The following ADAMTS13 variants were observed in gnomAD, a reference collection of about 807,000 sequenced individuals.
ADAMTS13 encodes ADAM metallopeptidase with thrombospondin type 1 motif 13, also known as A disintegrin and metalloproteinase with thrombospondin motifs 13.
ADAMTS13 carries 110 observed loss-of-function variants against 155.1 expected under a neutral mutation model. That is an observed-to-expected ratio of 0.71 (90% CI 0.61 to 0.83). The LOEUF is 0.83. Ranked by LOEUF, ADAMTS13 falls within the 40% of genes least tolerant of loss-of-function variation. The probability of loss-of-function intolerance (pLI) is 0.00; values close to 1 mark genes in which losing one functional copy is unlikely to be tolerated. For synonymous variants in ADAMTS13, 758 were observed against 756.4 expected (o/e 1.00, Z -0.03); for missense variants, 1,707 against 1,891.7 (o/e 0.90, Z 1.81).
chr9:133,434,673 CA>C (rs985835149), intron 11 of ADAMTS13, among the ~76,000 whole-genome samples: 5 of 152,204 alleles, frequency 3.3e-5, no homozygotes, highest in African/African-American at 1.2e-4. Context: ...AGTGGCAACT[CA>C]GTGGCCTTTA....
chr9:133,436,778 A>ACCCCCC, intron 11 of ADAMTS13, 51 bp from the exon 12 acceptor site: 10 of 433,934 alleles, frequency 2.3e-5, no homozygotes, highest in East Asian at 8.0e-5. Flanking sequence ...CAGTGACAAC[A>ACCCCCC]CCCGCCCCCC....
intron 1 of ADAMTS13, chr9:133,414,707 T>G: frequency 1.9e-6 from 3 of 1,614,128 alleles, no homozygotes; most frequent in Non-Finnish European, 2.5e-6. Flanking sequence ...TTTCCGCTTC[T>G]TATGCTCGAT....
chr9:133,454,228 A>G (rs1842607860), intron 23 of ADAMTS13, among the ~76,000 whole-genome samples, 187 bp from the exon 24 acceptor site: 1 of 152,130 alleles, frequency 6.6e-6, no homozygotes, highest in Non-Finnish European at 1.5e-5. Flanking sequence ...GCCTTTTGGT[A>G]GCTCTCCTGT....
chr9:133,424,374 G>C lies in ADAMTS13; in HGVS notation c.226G>C (p.Ala76Pro). 1 of 1,613,402 alleles carries C rather than the reference G, an allele frequency of 6.2e-7. No individual in the cohort carries two copies. The highest frequency in any genetic ancestry group is 8.5e-7 in the Non-Finnish European group (1 of 1,179,976). Reference sequence around the variant, plus strand: ...GCAGAGGCAGAGGCAGAGGCGGGCTGCAGGCGGCATCCTACACCTGGAGCT... The same window carrying C: ...GCAGAGGCAGAGGCAGAGGCGGGCTCCAGGCGGCATCCTACACCTGGAGCT... ...QRQRQRQRRAAGGILHLELLV... is the reference protein window; with the variant it reads ...QRQRQRQRRAPGGILHLELLV... The change falls in exon 3 of 29, where the codon GCA becomes CCA. Residue 76 changes from alanine (A) to proline (P), a missense_variant. Transcript: ENST00000355699. The surrounding 1 kb of genome is among the most constrained non-coding windows in gnomAD (Gnocchi z 4.3).
chr9:133,430,672 A>T (rs1554787082), intron 8 of ADAMTS13, among the ~76,000 whole-genome samples: 32 of 151,636 alleles, frequency 2.1e-4, no homozygotes, highest in Non-Finnish European at 4.0e-4. Flanking sequence ...GTGTTACTAT[A>T]AATACAAGTC....
At position 133,429,965 on chromosome 9, in the gene ADAMTS13, A is replaced by T; in HGVS notation, c.851A>T (p.Asp284Val). ...LSAGRARCVWDPPRPQPGSAG... is the reference protein window; with the variant it reads ...LSAGRARCVWVPPRPQPGSAG... ...GCAGGACGGGCGCGCTGCGTGTGGG[A>T]CCCGCCGCGGCCTCAACCCGGGTCC... The change falls in exon 8 of 29, where the codon GAC becomes GTC. Residue 284 changes from aspartate (D) to valine (V), a missense_variant. By Grantham distance (152) the Asp-to-Val change is radical. This residue lies in a region of ADAMTS13 where 733 missense variants were observed against 749.6 expected (regional missense o/e 0.98). Coordinates refer to ENST00000355699, the MANE Select transcript of ADAMTS13 (RefSeq NM_139027.6). 1 of 1,539,328 alleles carries T rather than the reference A, an allele frequency of 6.5e-7. No individual in the cohort carries two copies. The highest frequency in any genetic ancestry group is 8.7e-7 in the Non-Finnish European group (1 of 1,147,428).
chr9:133,446,357 C>G (rs1842066882), intron 21 of ADAMTS13, among the ~76,000 whole-genome samples: 1 of 152,172 alleles, frequency 6.6e-6, no homozygotes, highest in Admixed American at 6.5e-5. Flanking sequence ...CCTCCGCAGC[C>G]CCTGGCAACC....
intron 6 of ADAMTS13, among the ~76,000 whole-genome samples, chr9:133,426,911 C>G (rs994133232): frequency 1.9e-4 from 29 of 151,898 alleles, no homozygotes; most frequent in Non-Finnish European, 4.1e-4. Flanking sequence ...GCAAGTGATT[C>G]TCCCACCTCA....
rs782729077 is a variant in ADAMTS13, at chr9:133,456,683, T to A, written c.3688T>A (p.Tyr1230Asn). The A allele has an allele frequency of 6.3e-7, 1 of 1,587,102 alleles. No homozygotes were observed. The highest frequency in any genetic ancestry group is 1.1e-5 in the South Asian group (1 of 87,800). Reference sequence around the variant, plus strand: ...GCCAGGAGGTGGGGTGCTGCTGCGGTATGGGAGCCAGCTTGCTCCTGAAAC... The same window carrying A: ...GCCAGGAGGTGGGGTGCTGCTGCGGAATGGGAGCCAGCTTGCTCCTGAAAC... ...GRPGGGVLLR[Y>N]GSQLAPETFY... The change falls in exon 27 of 29, where the codon TAT becomes AAT. Residue 1230 changes from tyrosine (Y) to asparagine (N), a missense_variant. Around this residue, in one of 3 missense-constraint regions of ADAMTS13, gnomAD observed 961 missense variants for 1,107.9 expected, o/e 0.87. Transcript: ENST00000355699. This position sits in a 1 kb window ranked among gnomAD's most constrained non-coding sequence, Gnocchi z 4.4.
chr9:133,418,025 G>T (rs903575015), upstream of ADAMTS13: 7 of 606,116 alleles, frequency 1.2e-5, no homozygotes, highest in Admixed American at 9.2e-5. Flanking sequence ...CAGCACGCAC[G>T]CTCCAGTCCC....
At position 133,439,376 on chromosome 9, in the gene ADAMTS13, G is replaced by A. The variant is rs3124768; in HGVS notation, c.1716G>A (p.Thr572=). ...FTAGRAREYV[T]FLTVTPNLTS... The stretch of plus-strand genomic sequence containing the variant: ...TTTTCTTCTTTCTAGAATATGTCAC[G>A]TTTCTGACAGTTACCCCCAACCTGA... The change falls in exon 15 of 29, where the codon ACG becomes ACA. Residue 572 remains threonine, a synonymous_variant. Coordinates refer to ENST00000355699, the MANE Select transcript of ADAMTS13 (RefSeq NM_139027.6). 896,920 of 1,611,636 alleles carry A rather than the reference G, an allele frequency of 0.56. 255,525 individuals are homozygous for A. Among genetic ancestry groups the A allele is most frequent in the African/African-American group, 0.64 (47,985 of 74,952 alleles).
chr9:133,415,981 A>G (rs947973643), intron 1 of ADAMTS13: 5 of 152,348 alleles, frequency 3.3e-5, no homozygotes, highest in African/African-American at 9.6e-5. Context: ...CCTGGGCAAC[A>G]AAGTGAAACC....
At chr9:133,427,495 C>G (rs913427093) in intron 6 of ADAMTS13, among the ~76,000 whole-genome samples, 4 of 152,130 alleles carry the variant, frequency 2.6e-5, no homozygotes, top group Non-Finnish European at 1.5e-5. Flanking sequence ...AGGGTTGAGG[C>G]AGGGTTCCTG....
chr9:133,433,758 G>A lies in ADAMTS13; in HGVS notation c.1308+54G>A, dbSNP rs1840968707. On this transcript the variant is annotated intron_variant, in intron 11 of 28. Transcript: ENST00000355699. ...GCAGCTGGTGGCACCGGGCCCTGGG[G>A]GAGCCAAAGTGACCATCTGTGGTTC... 10 of 1,596,732 alleles carry A rather than the reference G, an allele frequency of 6.3e-6. No homozygotes were observed. In the East Asian group the frequency reaches 2.0e-4, roughly 32 times the overall value.
intron 21 of ADAMTS13, among the ~76,000 whole-genome samples, chr9:133,447,874 A>G (rs1015938887): frequency 6.6e-6 from 1 of 152,146 alleles, no homozygotes; most frequent in Non-Finnish European, 1.5e-5. Context: ...GATTACAGGC[A>G]TGAGCCACTG....
intron 12 of ADAMTS13, 131 bp downstream of exon 12, chr9:133,437,086 C>A: frequency 1.6e-6 from 2 of 1,246,566 alleles, no homozygotes; most frequent in Admixed American, 2.4e-5. Flanking sequence ...TGGCATCCCA[C>A]AGACCATGGA....
chr9:133,430,361 T>C (rs1840660760), intron 8 of ADAMTS13, among the ~76,000 whole-genome samples: 1 of 152,218 alleles, frequency 6.6e-6, no homozygotes, highest in Admixed American at 6.5e-5. Flanking sequence ...GCCCAAGGAC[T>C]CCTGGCTGAG....
At position 133,445,203 on chromosome 9, in the gene ADAMTS13, A is replaced by G; in HGVS notation, c.2610+151A>G. On this transcript the variant is annotated intron_variant, in intron 20 of 28. Transcript: ENST00000355699. This position sits in a 1 kb window ranked among gnomAD's most constrained non-coding sequence, Gnocchi z 5.0. ...TGTCTGAGGGCCACCCCTGCTCAGA[A>G]AAGAAGCTTAGAAAGAGGGCTCAGG... 2.1e-6 allele frequency: 2 copies of G among 970,266 alleles called. No homozygotes were observed. Among genetic ancestry groups the G allele is most frequent in the Non-Finnish European group, 3.0e-6 (2 of 660,804 alleles). The allele number at this position is 970,266 out of a possible 1,614,324, so 60.1% of individuals were successfully genotyped here. A position where few individuals can be genotyped will look rare whatever the true frequency, so the allele number is the denominator to read the frequency against.
At chr9:133,430,223 C>A (rs902241505) in intron 8 of ADAMTS13, 122 bp downstream of exon 8, 5 of 1,330,182 alleles carry the variant, frequency 3.8e-6, no homozygotes, top group Non-Finnish European at 5.2e-6. Flanking sequence ...AGGTACTAAG[C>A]CAGGGCGGCT....
Sources: gnomAD v4.1 joint callset for allele counts (sites outside exome capture counted in the v4.1 genomes callset) on GRCh38, gnomAD v4.1.1 for gene constraint, gnomAD v4.1.1 regional missense constraint, Gnocchi (gnomAD v3.1) non-coding constraint, MANE v1.5 for transcripts, NCBI Gene and HGNC (gene_info 2026-07-23, HGNC 2026-07-21) for gene names.